Variants in KDM6A observed in about 807,000 individuals in gnomAD.
KDM6A encodes lysine demethylase 6A.
A neutral mutation model predicts 117.6 loss-of-function variants in KDM6A; 11 were observed. The ratio of observed to expected loss-of-function variants is 0.09; its 90% CI spans 0.06 to 0.15. The LOEUF is 0.15. Ranked by LOEUF, KDM6A falls within the 10% of genes least tolerant of loss-of-function variation. KDM6A has a pLI of 1.00. For synonymous variants in KDM6A, 384 were observed against 396.1 expected (o/e 0.97, Z 0.36); for missense variants, 799 against 1,077.3 (o/e 0.74, Z 3.62).
intron 8 of KDM6A, among the ~76,000 whole-genome samples, chrX:45,042,708 GGAAGAAGTTTCCCCACTTCTCTACATA>G (rs1569528927): frequency 6.6e-5 from 7 of 106,017 alleles, no homozygotes; most frequent in African/African-American, 2.5e-4. Flanking sequence ...TCTCTACATA[GGAAGAAGTTTCCCCACTTCTCTACATA>G]GGAAGAAGTT....
At chrX:44,950,454 C>T (rs980382554) in intron 2 of KDM6A, among the ~76,000 whole-genome samples, 1 of 111,858 alleles carries the variant, frequency 8.9e-6, no homozygotes, top group Non-Finnish European at 1.9e-5. Context: ...AGTAAGGAGA[C>T]TTTATAATGT....
At position 45,089,765 on chromosome X, in the gene KDM6A, G is replaced by T. The variant is rs2148192073; in HGVS notation, c.3727G>T (p.Gly1243Cys). 8.3e-7 allele frequency: 1 copy of T among 1,203,775 alleles called. No individual in the cohort carries two copies. The highest frequency in any genetic ancestry group is 1.1e-6 in the Non-Finnish European group (1 of 889,392). The change falls in exon 26 of 30, where the codon GGT becomes TGT. Residue 1243 changes from glycine (G) to cysteine (C), a missense_variant. Around this residue, in one of 8 missense-constraint regions of KDM6A, gnomAD observed 291 missense variants for 437.9 expected, o/e 0.66. Transcript: ENST00000611820. ...CEKNNLNFLM[G>C]SWWPNLEDLY... ...CAGAAATAATTTGAATTTCCTAATG[G>T]GTTCTTGGTGGCCCAATCTTGAAGA...
At chrX:44,963,440 AGTGTGTGTGTGTGTGTGTGTGTGT>A (rs747821170) in intron 3 of KDM6A, among the ~76,000 whole-genome samples, 11 of 69,879 alleles carry the variant, frequency 1.6e-4, no homozygotes, top group Admixed American at 6.9e-4. Context: ...AGGGTGACAG[AGTGTGTGTGTGTGTGTGTGTGTGT>A]GTGTGTGTGT....
intron 4 of KDM6A, among the ~76,000 whole-genome samples, chrX:44,982,300 G>A (rs566469348): frequency 1.8e-5 from 2 of 110,292 alleles, no homozygotes; most frequent in South Asian, 3.8e-4. Flanking sequence ...AGTATTTGTG[G>A]GTACAGTTTC....
chrX:44,896,752 A>G (rs1410488738), intron 2 of KDM6A, among the ~76,000 whole-genome samples: 1 of 109,289 alleles, frequency 9.2e-6, no homozygotes, highest in Non-Finnish European at 1.9e-5. Context: ...TGCTGTGTAT[A>G]GAATTCACAG....
At chrX:44,993,248 A>C (rs1448370997) in intron 4 of KDM6A, among the ~76,000 whole-genome samples, 1 of 111,999 alleles carries the variant, frequency 8.9e-6, no homozygotes, top group African/African-American at 3.3e-5. Context: ...AGGATTAAAA[A>C]ATTATTCAGA....
At chrX:44,882,922 C>T (rs772256401) in intron 2 of KDM6A, among the ~76,000 whole-genome samples, 69 of 111,366 alleles carry the variant, frequency 6.2e-4, no homozygotes, top group Non-Finnish European at 1.2e-3. Context: ...AAGATACATG[C>T]AAAGTGCTGT....
intron 25 of KDM6A, 193 bp downstream of exon 25, chrX:45,086,172 A>G: frequency 5.0e-6 from 2 of 399,264 alleles, no homozygotes; most frequent in Non-Finnish European, 8.8e-6. Flanking sequence ...GAAAGATGCC[A>G]TGAAACAACT....
chrX:44,889,091 C>G (rs2033132269), intron 2 of KDM6A, among the ~76,000 whole-genome samples: 1 of 112,033 alleles, frequency 8.9e-6, no homozygotes, highest in Admixed American at 9.5e-5. Flanking sequence ...TCTTGGCTCA[C>G]TACAACCTCT....
intron 2 of KDM6A, among the ~76,000 whole-genome samples, chrX:44,945,618 C>T (rs991198047): frequency 8.1e-5 from 9 of 111,215 alleles, no homozygotes; most frequent in South Asian, 3.7e-4. Flanking sequence ...AATTTGAATA[C>T]GAGCTTAGAC....
At chrX:44,962,178 G>A (rs2038704914) in intron 3 of KDM6A, among the ~76,000 whole-genome samples, 1 of 111,934 alleles carries the variant, frequency 8.9e-6, no homozygotes, top group Admixed American at 9.5e-5. Context: ...ATAGTTTCAG[G>A]GCTAAAGTGA....
intron 3 of KDM6A, among the ~76,000 whole-genome samples, chrX:44,969,411 CTTTTTTTTTTTTTTT>C (rs11288771): frequency 5.6e-5 from 2 of 35,982 alleles, no homozygotes; most frequent in African/African-American, 1.0e-4. Flanking sequence ...CTCTTTTTAT[CTTTTTTTTTTTTTTT>C]TTTTTTTTTG....
At chrX:44,938,199 A>C (rs144885908) in intron 2 of KDM6A, among the ~76,000 whole-genome samples, 1 of 111,828 alleles carries the variant, frequency 8.9e-6, no homozygotes, top group South Asian at 3.7e-4. Flanking sequence ...ACCTCAAGCC[A>C]TCCCCTTGCC....
intron 2 of KDM6A, among the ~76,000 whole-genome samples, chrX:44,876,914 TAC>T (rs755891815): frequency 3.6e-5 from 4 of 111,392 alleles, no homozygotes; most frequent in South Asian, 7.3e-4. Flanking sequence ...CATATACGTA[TAC>T]ACACATATAC....
chrX:45,076,046 T>C (rs1166745983), intron 18 of KDM6A, among the ~76,000 whole-genome samples: 1 of 111,440 alleles, frequency 9.0e-6, no homozygotes, highest in Non-Finnish European at 1.9e-5. Context: ...TACACTATCT[T>C]AAGAATTTAT....
At chrX:45,110,375 A>G (rs1004199211) in intron 29 of KDM6A, 126 bp downstream of exon 29, 27 of 552,256 alleles carry the variant, frequency 4.9e-5, no homozygotes, top group Non-Finnish European at 7.4e-5. Flanking sequence ...TATATATTGC[A>G]TGAGGGTATA....
In KDM6A at chrX:44,995,240, G is replaced by A. The variant is rs1418793302; in HGVS notation, c.385-15721G>A. 2.7e-5 allele frequency among the ~76,000 whole-genome samples: 3 copies of A among 110,710 alleles called. No individual in the cohort carries two copies. The East Asian group carries it at 8.5e-4, about 31-fold the overall frequency. Reference sequence around the variant, plus strand: ...TCTCAGGGCATTTTATTGGCTTTCAGTGTTGGCTTACCTTTCTGTATTCTC... The same window carrying A: ...TCTCAGGGCATTTTATTGGCTTTCAATGTTGGCTTACCTTTCTGTATTCTC... On this transcript the variant is annotated intron_variant, in intron 4 of 29. Transcript: ENST00000611820.
At chrX:44,968,511 C>T (rs7051472) in intron 3 of KDM6A, among the ~76,000 whole-genome samples, 81 of 113,170 alleles carry the variant, frequency 7.2e-4, no homozygotes, top group African/African-American at 2.6e-3. Context: ...GGTTGGAGGA[C>T]ACCCTGAGAG....
chrX:44,889,402 A>G (rs2033158865), intron 2 of KDM6A, among the ~76,000 whole-genome samples: 1 of 112,359 alleles, frequency 8.9e-6, no homozygotes, highest in Non-Finnish European at 1.9e-5. Flanking sequence ...AGTTAAAAAG[A>G]TAGATTTGGA....
Sources: gnomAD v4.1 joint callset for allele counts (sites outside exome capture counted in the v4.1 genomes callset) on GRCh38, gnomAD v4.1.1 for gene constraint, gnomAD v4.1.1 regional missense constraint, MANE v1.5 for transcripts, NCBI Gene and HGNC (gene_info 2026-07-23, HGNC 2026-07-21) for gene names.